The following LRRC4C variants were observed in gnomAD, a reference collection of about 807,000 sequenced individuals.
LRRC4C encodes the protein leucine rich repeat containing 4C.
Under a neutral mutation model 33.6 loss-of-function variants are expected in LRRC4C, and 5 were observed. That is an observed-to-expected ratio of 0.15 (90% CI 0.08 to 0.31). The LOEUF (loss-of-function observed/expected upper bound fraction) is 0.31, where lower values mean the gene tolerates loss of function less well. Among genes scored for constraint, LRRC4C ranks in the 10% least tolerant of loss-of-function variants. The pLI is 1.00. For synonymous variants in LRRC4C, 329 were observed against 302.0 expected, an observed-to-expected ratio of 1.09 and a Z score of -0.93; for missense variants, 560 against 796.7, an observed-to-expected ratio of 0.70 and a Z score of 3.58.
intron 2 of LRRC4C, among the ~76,000 whole-genome samples, chr11:40,817,458 G>A (rs1951753319): frequency 6.6e-6 from 1 of 152,150 alleles, no homozygotes; most frequent in Admixed American, 6.6e-5. Context: ...CATCATAACG[G>A]TTATTCTGGC....
intron 3 of LRRC4C, among the ~76,000 whole-genome samples, chr11:40,566,086 G>GTTTTTT: frequency 4.1e-4 from 26 of 62,760 alleles, no homozygotes; most frequent in Middle Eastern, 0.017. Context: ...TTTTTACTAA[G>GTTTTTT]TTTTTTTTTT....
chr11:41,329,831 C>T (rs576900588), intron 1 of LRRC4C, among the ~76,000 whole-genome samples: 7 of 152,110 alleles, frequency 4.6e-5, no homozygotes, highest in African/African-American at 7.2e-5. Flanking sequence ...TTTCACAGTG[C>T]GTGGACAATT....
At chr11:41,107,058 A>ATTTT (rs3979485) in intron 1 of LRRC4C, among the ~76,000 whole-genome samples, 49 of 141,030 alleles carry the variant, frequency 3.5e-4, no homozygotes, top group African/African-American at 1.2e-3. Context: ...TTAGGTTTTG[A>ATTTT]TTTTTTTTTT....
intron 3 of LRRC4C, among the ~76,000 whole-genome samples, chr11:40,408,498 C>T (rs1237306086): frequency 6.6e-6 from 1 of 151,676 alleles, no homozygotes; most frequent in African/African-American, 2.4e-5. Flanking sequence ...GGTGGGGGAC[C>T]TCTCTAGTGA....
intron 5 of LRRC4C, among the ~76,000 whole-genome samples, chr11:40,190,695 T>C (rs2135599763): frequency 1.3e-5 from 2 of 152,260 alleles, no homozygotes; most frequent in Middle Eastern, 3.4e-3. Flanking sequence ...CATTAAAACA[T>C]AAAATGATTT....
chr11:40,347,422 G>T (rs1312501756), intron 3 of LRRC4C, among the ~76,000 whole-genome samples: 1 of 152,070 alleles, frequency 6.6e-6, no homozygotes, highest in Non-Finnish European at 1.5e-5. Context: ...GCAACAGGCT[G>T]TTTTGCTTTC....
intron 2 of LRRC4C, among the ~76,000 whole-genome samples, chr11:40,737,706 C>G (rs1349225551): frequency 6.6e-6 from 1 of 151,976 alleles, no homozygotes; most frequent in East Asian, 1.9e-4. Flanking sequence ...AACCAATGCT[C>G]AAGGAAATAA....
At chr11:40,337,755 C>T (rs1220937870) in intron 3 of LRRC4C, among the ~76,000 whole-genome samples, 4 of 152,036 alleles carry the variant, frequency 2.6e-5, no homozygotes, top group Non-Finnish European at 5.9e-5. Context: ...AGGGGTTTGT[C>T]GTACAGATTA....
At chr11:40,598,145 G>T (rs1959561333) in intron 3 of LRRC4C, among the ~76,000 whole-genome samples, 1 of 152,142 alleles carries the variant, frequency 6.6e-6, no homozygotes, top group Admixed American at 6.5e-5. Context: ...TTTTAGTGAG[G>T]TTGAGTGGAT....
intron 3 of LRRC4C, among the ~76,000 whole-genome samples, chr11:40,420,455 T>A (rs760593236): frequency 1.3e-5 from 2 of 152,164 alleles, no homozygotes; most frequent in Non-Finnish European, 2.9e-5. Context: ...AAGGCCAGAC[T>A]TACATCCTTG....
chr11:40,312,642 T>A (rs1326221251), intron 4 of LRRC4C, among the ~76,000 whole-genome samples: 2 of 152,122 alleles, frequency 1.3e-5, no homozygotes, highest in Non-Finnish European at 2.9e-5. Flanking sequence ...AAAGGCAAAT[T>A]CAAGGGAATC....
chr11:40,648,964 A>C (rs1174096134), intron 2 of LRRC4C, among the ~76,000 whole-genome samples: 1 of 152,184 alleles, frequency 6.6e-6, no homozygotes, highest in Non-Finnish European at 1.5e-5. Flanking sequence ...TAAGGGTTTC[A>C]AAAGGGGAGG....
intron 5 of LRRC4C, among the ~76,000 whole-genome samples, chr11:40,238,200 T>G (rs1590789887): frequency 6.6e-6 from 1 of 152,186 alleles, no homozygotes; most frequent in Admixed American, 6.5e-5. Context: ...TAAGTCCATC[T>G]CAGCCAACAC....
intron 1 of LRRC4C, among the ~76,000 whole-genome samples, chr11:41,242,843 C>T (rs994446623): frequency 6.6e-6 from 1 of 152,130 alleles, no homozygotes; most frequent in African/African-American, 2.4e-5. Context: ...ATATGCTATC[C>T]TGGGTATCTT....
Position 40,118,881 on chromosome 11 carries a change from G to A in LRRC4C, c.-42-2547C>T, listed in dbSNP as rs1287496355. Reference sequence around the variant, plus strand: ...TTGTTTTGAAAAATGATAATGAGAGGTTAATATGGGGCACAGACAAGCAAT... The same window carrying A: ...TTGTTTTGAAAAATGATAATGAGAGATTAATATGGGGCACAGACAAGCAAT... On this transcript the variant is annotated intron_variant, in intron 6 of 6. Coordinates refer to ENST00000528697, the MANE Select transcript of LRRC4C (RefSeq NM_001258419.2). Among the ~76,000 whole-genome samples, 3 of 152,234 alleles carry A rather than the reference G, an allele frequency of 2.0e-5. No homozygotes were observed. In the East Asian group the frequency reaches 5.8e-4, roughly 29 times the overall value.
chr11:41,087,179 C>G (rs375713592), intron 1 of LRRC4C, among the ~76,000 whole-genome samples: 3 of 152,106 alleles, frequency 2.0e-5, no homozygotes, highest in African/African-American at 7.2e-5. Context: ...TTCTGAATCT[C>G]TCTATGAAAT....
intron 5 of LRRC4C, among the ~76,000 whole-genome samples, chr11:40,232,580 A>T (rs1000834992): frequency 4.6e-5 from 7 of 152,186 alleles, no homozygotes; most frequent in Non-Finnish European, 1.0e-4. Context: ...AATAACATTT[A>T]TTTTTTTATT....
At chr11:40,315,616 C>T (rs1194353663) in intron 4 of LRRC4C, among the ~76,000 whole-genome samples, 3 of 151,796 alleles carry the variant, frequency 2.0e-5, no homozygotes, top group Non-Finnish European at 4.4e-5. Flanking sequence ...CTATATAACA[C>T]AGTCTATTTT....
intron 1 of LRRC4C, among the ~76,000 whole-genome samples, chr11:41,193,215 G>A (rs1295800614): frequency 2.6e-5 from 4 of 152,104 alleles, no homozygotes; most frequent in African/African-American, 4.8e-5. Flanking sequence ...GTTTGTACCT[G>A]AAGTTGGAAA....
Sources: gnomAD v4.1 joint callset for allele counts (sites outside exome capture counted in the v4.1 genomes callset) on GRCh38, gnomAD v4.1.1 for gene constraint, MANE v1.5 for transcripts, NCBI Gene and HGNC (gene_info 2026-07-23, HGNC 2026-07-21) for gene names.